The following LYPD6 variants were observed in gnomAD, a reference collection of about 807,000 sequenced individuals.
LYPD6 encodes LY6/PLAUR domain containing 6.
A neutral mutation model predicts 22.7 loss-of-function variants in LYPD6; 15 were observed. The ratio of observed to expected loss-of-function variants is 0.66; its 90% CI spans 0.44 to 1.02. LYPD6 has a LOEUF of 1.02. Ranked by LOEUF, LYPD6 falls within the 50% of genes least tolerant of loss-of-function variation. LYPD6 has a pLI of 0.00. For synonymous variants in LYPD6, 72 were observed against 77.5 expected (o/e 0.93, Z 0.37); for missense variants, 189 against 208.4 (o/e 0.91, Z 0.57).
chr2:149,454,183 A>G (rs1318722711), intron 3 of LYPD6, among the ~76,000 whole-genome samples: 2 of 152,234 alleles, frequency 1.3e-5, no homozygotes, highest in East Asian at 1.9e-4. Flanking sequence ...TTGAATATAC[A>G]TACCGCAAAG....
intron 3 of LYPD6, among the ~76,000 whole-genome samples, chr2:149,454,728 C>A (rs973694104): frequency 6.6e-6 from 1 of 152,116 alleles, no homozygotes; most frequent in African/African-American, 2.4e-5. Flanking sequence ...CTAGTTGCTG[C>A]ACAATCTTGC....
chr2:149,339,849 T>C (rs561985866), intron 1 of LYPD6, among the ~76,000 whole-genome samples: 147 of 152,306 alleles, frequency 9.7e-4, no homozygotes, highest in African/African-American at 3.4e-3. Context: ...AATTACCACA[T>C]AATGGATTGT....
intron 1 of LYPD6, among the ~76,000 whole-genome samples, chr2:149,412,242 A>G (rs2105123381): frequency 6.6e-6 from 1 of 152,348 alleles, no homozygotes; most frequent in East Asian, 1.9e-4. Flanking sequence ...ATATTATCAA[A>G]TGAAAACCTT....
At chr2:149,436,777 T>C (rs970875778) in intron 1 of LYPD6, among the ~76,000 whole-genome samples, 4 of 152,164 alleles carry the variant, frequency 2.6e-5, no homozygotes, top group Non-Finnish European at 4.4e-5. Context: ...GAGACAGGGT[T>C]TCACTGTATT....
At chr2:149,375,362 A>T (rs1371785817) in intron 1 of LYPD6, among the ~76,000 whole-genome samples, 1 of 152,034 alleles carries the variant, frequency 6.6e-6, no homozygotes, top group Non-Finnish European at 1.5e-5. Context: ...TGAGTGGGGA[A>T]CACTTGAGTG....
intron 3 of LYPD6, among the ~76,000 whole-genome samples, chr2:149,456,460 C>T (rs1680960271): frequency 6.6e-6 from 1 of 152,108 alleles, no homozygotes; most frequent in African/African-American, 2.4e-5. Context: ...GACTTGTGTC[C>T]TCCCCATTTT....
intron 1 of LYPD6, among the ~76,000 whole-genome samples, chr2:149,345,757 T>C (rs1427317899): frequency 2.0e-5 from 3 of 152,216 alleles, no homozygotes; most frequent in African/African-American, 7.2e-5. Context: ...TGATTATGTA[T>C]ATTTTAAAAC....
At chr2:149,448,633 G>T (rs541902550) in intron 2 of LYPD6, among the ~76,000 whole-genome samples, 1 of 152,056 alleles carries the variant, frequency 6.6e-6, no homozygotes, top group African/African-American at 2.4e-5. Flanking sequence ...AATATATAAC[G>T]TTTTGGGATG....
downstream of LYPD6, among the ~76,000 whole-genome samples, chr2:149,477,420 C>A (rs180792944): frequency 6.6e-6 from 1 of 152,028 alleles, no homozygotes; most frequent in Admixed American, 6.5e-5. Context: ...GTCAGGAGTT[C>A]GAGACCAGCC....
At chr2:149,374,360 A>G (rs909011394) in intron 1 of LYPD6, among the ~76,000 whole-genome samples, 1 of 152,182 alleles carries the variant, frequency 6.6e-6, no homozygotes, top group Non-Finnish European at 1.5e-5. Flanking sequence ...TGTCAACTCA[A>G]TGTTTAGTCG....
chr2:149,399,199 CT>C lies in LYPD6; in HGVS notation c.-71-38431del, dbSNP rs55833307. 7.0e-3 allele frequency among the ~76,000 whole-genome samples: 1,065 copies of C among 151,918 alleles called. 12 individuals are homozygous for C. Among genetic ancestry groups the C allele is most frequent in the African/African-American group, 0.025 (1,015 of 41,400 alleles). On this transcript the variant is annotated intron_variant, in intron 1 of 4. Coordinates refer to ENST00000334166, the MANE Select transcript of LYPD6 (RefSeq NM_194317.5). ...TAATTTGGAATTAAAAAAAATACAT[CT>C]TTTTTTTATTTTCTTCTAATGAAAC...
intron 3 of LYPD6, among the ~76,000 whole-genome samples, chr2:149,457,688 A>C (rs1296101173): frequency 6.6e-6 from 1 of 152,176 alleles, no homozygotes; most frequent in African/African-American, 2.4e-5. Context: ...TCTAGCCCAA[A>C]ATGTCAGAAG....
At chr2:149,417,866 C>A (rs1682998371) in intron 1 of LYPD6, among the ~76,000 whole-genome samples, 1 of 151,986 alleles carries the variant, frequency 6.6e-6, no homozygotes, top group Non-Finnish European at 1.5e-5. Flanking sequence ...ACACCAGAAC[C>A]TAGAGTAGTA....
chr2:149,402,129 TAA>T, intron 1 of LYPD6, among the ~76,000 whole-genome samples: 1 of 144,978 alleles, frequency 6.9e-6, no homozygotes, highest in African/African-American at 2.5e-5. Flanking sequence ...TCCCAGAACT[TAA>T]AAAAAAAAAA....
chr2:149,383,772 A>C (rs991630470), intron 1 of LYPD6, among the ~76,000 whole-genome samples: 4 of 152,196 alleles, frequency 2.6e-5, no homozygotes, highest in Non-Finnish European at 5.9e-5. Flanking sequence ...ATTTCCTAGT[A>C]ACTGATGATA....
chr2:149,439,378 A>G (rs1683506463), intron 2 of LYPD6, among the ~76,000 whole-genome samples: 1 of 152,186 alleles, frequency 6.6e-6, no homozygotes, highest in Admixed American at 6.5e-5. Flanking sequence ...TCTGTTTTCT[A>G]GATTGCATTT....
intron 3 of LYPD6, among the ~76,000 whole-genome samples, chr2:149,466,725 A>G (rs1681208549): frequency 6.6e-6 from 1 of 152,206 alleles, no homozygotes; most frequent in South Asian, 2.1e-4. Context: ...ACTTGGGGGA[A>G]AAGGCTGATT....
intron 1 of LYPD6, among the ~76,000 whole-genome samples, chr2:149,334,663 C>T (rs1681001122): frequency 6.6e-6 from 1 of 151,896 alleles, no homozygotes; most frequent in Admixed American, 6.6e-5. Context: ...GAGGGGTTTC[C>T]AGAAGGACTG....
intron 3 of LYPD6, among the ~76,000 whole-genome samples, chr2:149,467,452 G>A (rs1319186501): frequency 3.3e-5 from 5 of 152,152 alleles, no homozygotes; most frequent in Non-Finnish European, 7.4e-5. Context: ...GAGTTTTGAT[G>A]ACTTCCAGGA....
Sources: allele counts gnomAD v4.1 joint callset (sites outside exome capture counted in the v4.1 genomes callset), GRCh38; gene constraint gnomAD v4.1.1; transcripts MANE v1.5; gene names NCBI Gene and HGNC (gene_info 2026-07-23, HGNC 2026-07-21).